The following PTPRK variants were observed in gnomAD, a reference collection of about 807,000 sequenced individuals.
PTPRK encodes the protein receptor-type tyrosine-protein phosphatase kappa.
A neutral mutation model predicts 178.0 loss-of-function variants in PTPRK; 75 were observed. The observed-to-expected ratio is 0.42, with a 90% CI of 0.35 to 0.51. The LOEUF is 0.51. PTPRK is among the 20% of genes least tolerant of loss of function. The pLI is 0.02. For synonymous variants in PTPRK, 637 were observed against 620.6 expected (o/e 1.03, Z -0.39); for missense variants, 1,441 against 1,797.8 (o/e 0.80, Z 3.59).
intron 1 of PTPRK, among the ~76,000 whole-genome samples, chr6:128,515,509 T>C (rs1204814658): frequency 1.3e-5 from 2 of 152,122 alleles, no homozygotes; most frequent in Non-Finnish European, 2.9e-5. Context: ...CAGATACATA[T>C]GATCAAAGTG....
At chr6:128,458,313 T>C (rs1848632923) in intron 1 of PTPRK, among the ~76,000 whole-genome samples, 1 of 152,192 alleles carries the variant, frequency 6.6e-6, no homozygotes, top group Non-Finnish European at 1.5e-5. Context: ...GGATTGCTTA[T>C]TCTTAAGATT....
At chr6:128,048,679 A>C (rs1437639237) in intron 13 of PTPRK, among the ~76,000 whole-genome samples, 1 of 152,178 alleles carries the variant, frequency 6.6e-6, no homozygotes, top group Non-Finnish European at 1.5e-5. Context: ...GAAGAGTCAA[A>C]CAACCACAGA....
At chr6:128,304,161 C>T (rs1309488317) in intron 3 of PTPRK, among the ~76,000 whole-genome samples, 1 of 152,204 alleles carries the variant, frequency 6.6e-6, no homozygotes, top group Non-Finnish European at 1.5e-5. Context: ...GACATAAGAC[C>T]TCTTTCCACA....
At chr6:128,480,609 A>C (rs1357508421) in intron 1 of PTPRK, among the ~76,000 whole-genome samples, 1 of 152,202 alleles carries the variant, frequency 6.6e-6, no homozygotes, top group African/African-American at 2.4e-5. Context: ...GAATTGACAG[A>C]ATAACCTCAC....
intron 7 of PTPRK, among the ~76,000 whole-genome samples, chr6:128,136,750 G>T (rs919108103): frequency 6.6e-6 from 1 of 152,140 alleles, no homozygotes; most frequent in Non-Finnish European, 1.5e-5. Flanking sequence ...CAAGGGTGGA[G>T]CTATACTTAA....
chr6:128,360,670 A>T (rs1181144598), intron 2 of PTPRK, among the ~76,000 whole-genome samples: 1 of 151,866 alleles, frequency 6.6e-6, no homozygotes. Flanking sequence ...CCAGGACCTA[A>T]TGTGTGACTC....
intron 7 of PTPRK, among the ~76,000 whole-genome samples, chr6:128,114,077 A>T (rs1264484847): frequency 6.6e-6 from 1 of 152,216 alleles, no homozygotes; most frequent in East Asian, 1.9e-4. Flanking sequence ...AAGAGGCAGG[A>T]GTTGATTACT....
At position 127,985,744 on chromosome 6, in the gene PTPRK, A is replaced by G. The variant is rs1392120886; in HGVS notation, c.3228T>C (p.Ala1076=). ...ACCTGCAATGTACAACGATGGGGCC[A>G]GCACTGGGAGGGTTTGATAACTTGA... is the stretch of plus-strand genomic sequence containing the variant. ...RRVKLSNPPS[A]GPIVVHCSAG... Residue 1076 remains alanine, a synonymous_variant, in exon 22 of 30, where the codon GCT becomes GCC. Transcript: ENST00000368226. 4.0e-5 allele frequency: 65 copies of G among 1,613,732 alleles called. No individual in the cohort carries two copies. Among genetic ancestry groups the G allele is most frequent in the Non-Finnish European group, 4.8e-5 (57 of 1,179,802 alleles).
intron 7 of PTPRK, among the ~76,000 whole-genome samples, chr6:128,108,409 A>T (rs529396614): frequency 9.2e-5 from 14 of 152,250 alleles, no homozygotes; most frequent in African/African-American, 3.4e-4. Context: ...AAAAAGCTTT[A>T]TATATATTAT....
rs184147020 is a variant in PTPRK at position 128,055,201 on chromosome 6, G to C, written c.2194+9557C>G. ...AAGTTACAAAGTTTATTTTGACAAA[G>C]AGCAATTTGAATTCACTTTTTCCAG... On this transcript the variant is annotated intron_variant, in intron 13 of 29. Transcript: ENST00000368226. Among the ~76,000 whole-genome samples, 14 of 152,154 alleles carry C rather than the reference G, an allele frequency of 9.2e-5. No individual in the cohort carries two copies. In the East Asian group the frequency reaches 1.9e-3, roughly 21 times the overall value.
At chr6:128,091,990 G>A (rs771017992) in intron 7 of PTPRK, among the ~76,000 whole-genome samples, 2 of 152,156 alleles carry the variant, frequency 1.3e-5, no homozygotes, top group Non-Finnish European at 2.9e-5. Context: ...GCAGAAAATG[G>A]ATAGGATTTA....
chr6:128,468,921 CAAAAAAA>C (rs375371831), intron 1 of PTPRK, among the ~76,000 whole-genome samples: 11 of 90,580 alleles, frequency 1.2e-4, no homozygotes, highest in East Asian at 5.0e-4. Context: ...AACACCTTTT[CAAAAAAA>C]AAAAAAAAAA....
intron 3 of PTPRK, among the ~76,000 whole-genome samples, chr6:128,290,597 T>A (rs1823222694): frequency 6.6e-6 from 1 of 151,602 alleles, no homozygotes; most frequent in Non-Finnish European, 1.5e-5. Flanking sequence ...GTGTAGAGAT[T>A]AGGGGAACAG....
rs576038998 is a variant in PTPRK, at chr6:128,102,805, C to A, written c.1163-12813G>T. On this transcript the variant is annotated intron_variant, in intron 7 of 29. Coordinates refer to ENST00000368226, the MANE Select transcript of PTPRK (RefSeq NM_002844.4). ...AGCTAATGTGATTCCATAGCATGTT[C>A]CCTGGCCAAGCTTTCCTATCTCAGT... Among the ~76,000 whole-genome samples, 21 of 152,242 alleles carry A rather than the reference C, an allele frequency of 1.4e-4. 1 individual carries two copies. The South Asian group carries it at 3.9e-3, about 29-fold the overall frequency.
intron 7 of PTPRK, among the ~76,000 whole-genome samples, chr6:128,164,138 A>AAC (rs1177909601): frequency 6.6e-6 from 1 of 151,434 alleles, no homozygotes; most frequent in Non-Finnish European, 1.5e-5. Flanking sequence ...TTAATGGCTA[A>AAC]ACAGAAACTA....
chr6:128,362,051 A>C (rs548508821), intron 2 of PTPRK, among the ~76,000 whole-genome samples: 1 of 152,254 alleles, frequency 6.6e-6, no homozygotes, highest in South Asian at 2.1e-4. Context: ...TGCAATTACT[A>C]TAAAGAAATA....
rs149739411 is a variant in PTPRK, at chr6:128,168,095, A to C, written c.1162+16337T>G. ...TAAAATCTCCAAACAAAGTCACTGCAATGAAAATGCTTCTGGATCAACAGC... is the reference window on the plus strand; with the variant it reads ...TAAAATCTCCAAACAAAGTCACTGCCATGAAAATGCTTCTGGATCAACAGC... On this transcript the variant is annotated intron_variant, in intron 7 of 29. Coordinates refer to ENST00000368226, the MANE Select transcript of PTPRK (RefSeq NM_002844.4). Among the ~76,000 whole-genome samples the C allele has an allele frequency of 2.6e-5, 4 of 152,224 alleles. No homozygotes were observed. The South Asian group carries it at 8.3e-4, about 32-fold the overall frequency.
chr6:128,294,743 T>C (rs551561112), intron 3 of PTPRK, among the ~76,000 whole-genome samples: 2 of 152,226 alleles, frequency 1.3e-5, no homozygotes, highest in African/African-American at 4.8e-5. Flanking sequence ...CAATTTTTGC[T>C]TTTTTATCCA....
intron 5 of PTPRK, among the ~76,000 whole-genome samples, chr6:128,234,584 C>G (rs1022301411): frequency 4.6e-5 from 7 of 152,180 alleles, no homozygotes; most frequent in Non-Finnish European, 1.0e-4. Flanking sequence ...AAGGATATGA[C>G]CTTTTTGTGT....
Sources: gnomAD v4.1 joint callset for allele counts (sites outside exome capture counted in the v4.1 genomes callset) on GRCh38, gnomAD v4.1.1 for gene constraint, MANE v1.5 for transcripts, NCBI Gene and HGNC (gene_info 2026-07-23, HGNC 2026-07-21) for gene names.